MAGI2: variants seen among roughly 807,000 people sequenced by gnomAD.
The protein encoded by MAGI2 is membrane-associated guanylate kinase, WW and PDZ domain-containing protein 2.
MAGI2 carries 35 observed loss-of-function variants against 133.3 expected under a neutral mutation model. The ratio of observed to expected loss-of-function variants is 0.26; its 90% CI spans 0.20 to 0.35. The LOEUF (loss-of-function observed/expected upper bound fraction) is 0.35. Ranked by LOEUF, MAGI2 falls within the 10% of genes least tolerant of loss-of-function variation. The probability of loss-of-function intolerance (pLI) is 1.00; values close to 1 mark genes in which losing one functional copy is unlikely to be tolerated. For synonymous variants in MAGI2, 729 were observed against 710.6 expected (o/e 1.03, Z -0.41); for missense variants, 1,636 against 1,863.4 (o/e 0.88, Z 2.25).
intron 6 of MAGI2, among the ~76,000 whole-genome samples, chr7:78,375,856 T>C (rs1794402073): frequency 6.6e-6 from 1 of 152,116 alleles, no homozygotes; most frequent in Non-Finnish European, 1.5e-5. Context: ...GAATCCTTAA[T>C]ATAAGTGAGT....
chr7:78,955,597 CA>C, intron 2 of MAGI2, among the ~76,000 whole-genome samples: 1 of 151,996 alleles, frequency 6.6e-6, no homozygotes, highest in South Asian at 2.1e-4. Flanking sequence ...CATACTCAAC[CA>C]AAATTGCTTC....
chr7:79,184,031 G>C (rs1826850706), intron 1 of MAGI2, among the ~76,000 whole-genome samples: 1 of 151,630 alleles, frequency 6.6e-6, no homozygotes, highest in Admixed American at 6.6e-5. Context: ...ACAATACAGA[G>C]TTCCAGTTAG....
intron 16 of MAGI2, chr7:78,159,696 C>T (rs114430829): frequency 3.3e-5 from 6 of 179,920 alleles, no homozygotes; most frequent in Non-Finnish European, 5.8e-5. Flanking sequence ...CCCTGACCAA[C>T]CCATAAAAGG....
At chr7:78,889,750 A>G (rs2151565385) in intron 2 of MAGI2, among the ~76,000 whole-genome samples, 2 of 152,334 alleles carry the variant, frequency 1.3e-5, no homozygotes, top group South Asian at 4.1e-4. Context: ...GAAAGGAACA[A>G]CTGATACCAG....
intron 2 of MAGI2, among the ~76,000 whole-genome samples, chr7:78,736,055 A>T (rs1162461627): frequency 6.6e-6 from 1 of 152,212 alleles, no homozygotes; most frequent in Non-Finnish European, 1.5e-5. Flanking sequence ...GAAGACGTGA[A>T]ATATTATACG....
At chr7:78,162,289 G>A (rs1299918098) in intron 15 of MAGI2, among the ~76,000 whole-genome samples, 1 of 151,718 alleles carries the variant, frequency 6.6e-6, no homozygotes, top group African/African-American at 2.4e-5. Context: ...ACTTTGGGAG[G>A]CTGAGGCGGG....
intron 6 of MAGI2, among the ~76,000 whole-genome samples, chr7:78,446,165 ATG>A (rs1788119485): frequency 7.3e-5 from 1 of 13,612 alleles, no homozygotes; most frequent in African/African-American, 1.1e-4. Context: ...CTTATTTTTT[ATG>A]ATGGTACTTT....
At chr7:78,209,546 T>C (rs186266643) in intron 10 of MAGI2, among the ~76,000 whole-genome samples, 309 of 152,034 alleles carry the variant, frequency 2.0e-3, no homozygotes, top group Middle Eastern at 3.4e-3. Context: ...CAGGTGTGAG[T>C]CACCGTGCCT....
chr7:78,164,929 C>T (rs1825473297), intron 15 of MAGI2, among the ~76,000 whole-genome samples: 1 of 152,094 alleles, frequency 6.6e-6, no homozygotes, highest in Admixed American at 6.6e-5. Flanking sequence ...CCACTCTTCT[C>T]ATATCCTTGG....
chr7:78,944,577 A>G (rs1801254562), intron 2 of MAGI2, among the ~76,000 whole-genome samples: 1 of 152,120 alleles, frequency 6.6e-6, no homozygotes, highest in Non-Finnish European at 1.5e-5. Context: ...TTAAATAAAT[A>G]AAAGTGACAC....
At chr7:78,184,166 C>T (rs1487403554) in intron 13 of MAGI2, among the ~76,000 whole-genome samples, 6 of 151,988 alleles carry the variant, frequency 3.9e-5, no homozygotes, top group Non-Finnish European at 8.8e-5. Flanking sequence ...TTTTTGTGAC[C>T]AGTAAGCTGA....
intron 1 of MAGI2, among the ~76,000 whole-genome samples, chr7:79,213,274 G>A (rs1480143264): frequency 2.0e-5 from 3 of 146,576 alleles, no homozygotes; most frequent in South Asian, 2.2e-4. Context: ...ATGTGGGTGT[G>A]TATATATATA....
intron 1 of MAGI2, among the ~76,000 whole-genome samples, chr7:79,133,342 G>A (rs1380792105): frequency 6.6e-6 from 1 of 152,102 alleles, no homozygotes; most frequent in Non-Finnish European, 1.5e-5. Flanking sequence ...GTAAGAGACA[G>A]GAATCCAATT....
In MAGI2 at chr7:78,983,420, C is replaced by T. The variant is rs117919627; in HGVS notation, c.418+23670G>A. Reference sequence around the variant, plus strand: ...TTTACTTCCTCCATGTAAATCCTTTCGGATAAAGGAGATTTTCTTGGATTA... The same window carrying T: ...TTTACTTCCTCCATGTAAATCCTTTTGGATAAAGGAGATTTTCTTGGATTA... On this transcript the variant is annotated intron_variant, in intron 2 of 21. Coordinates refer to ENST00000354212, the MANE Select transcript of MAGI2 (RefSeq NM_012301.4). 8.2e-3 allele frequency among the ~76,000 whole-genome samples: 1,239 copies of T among 151,834 alleles called. 16 individuals carry two copies. Among genetic ancestry groups the T allele is most frequent in the Admixed American group, 0.034 (521 of 15,230 alleles).
intron 2 of MAGI2, among the ~76,000 whole-genome samples, chr7:78,737,831 C>G (rs1822015742): frequency 6.6e-6 from 1 of 151,742 alleles, no homozygotes; most frequent in African/African-American, 2.4e-5. Flanking sequence ...ACAGATATGA[C>G]CCACATTTAA....
At chr7:78,290,222 G>T (rs886671071) in intron 9 of MAGI2, among the ~76,000 whole-genome samples, 1 of 152,144 alleles carries the variant, frequency 6.6e-6, no homozygotes, top group Non-Finnish European at 1.5e-5. Flanking sequence ...CACATGCAGA[G>T]ACACACATAG....
intron 9 of MAGI2, among the ~76,000 whole-genome samples, chr7:78,258,824 A>G (rs566925385): frequency 2.0e-5 from 3 of 152,302 alleles, no homozygotes; most frequent in Non-Finnish European, 4.4e-5. Context: ...CTACTTAATA[A>G]CATTCATCCA....
chr7:78,274,240 C>G (rs1794846560), intron 9 of MAGI2, among the ~76,000 whole-genome samples: 1 of 152,112 alleles, frequency 6.6e-6, no homozygotes, highest in Non-Finnish European at 1.5e-5. Flanking sequence ...CACTCCAGAC[C>G]CTGTTTGCCT....
intron 1 of MAGI2, among the ~76,000 whole-genome samples, chr7:79,017,009 C>A (rs1808802239): frequency 6.6e-6 from 1 of 152,268 alleles, no homozygotes; most frequent in Non-Finnish European, 1.5e-5. Context: ...TGGTGCCCTG[C>A]CAACACTGCT....
Sources: gnomAD v4.1 joint callset for allele counts (sites outside exome capture counted in the v4.1 genomes callset) on GRCh38, gnomAD v4.1.1 for gene constraint, MANE v1.5 for transcripts, NCBI Gene and HGNC (gene_info 2026-07-23, HGNC 2026-07-21) for gene names.